The following CNNM2 variants were observed in gnomAD, a reference collection of about 807,000 sequenced individuals.
CNNM2 encodes the protein metal transporter CNNM2.
CNNM2 carries 12 observed loss-of-function variants against 66.9 expected under a neutral mutation model. The observed-to-expected ratio is 0.18, with a 90% CI of 0.11 to 0.29. The LOEUF is 0.29. CNNM2 is among the 10% of genes least tolerant of loss of function. CNNM2 has a pLI of 1.00. For synonymous variants in CNNM2, 557 were observed against 501.8 expected, an observed-to-expected ratio of 1.11 and a Z score of -1.47; for missense variants, 705 against 1,167.7, an observed-to-expected ratio of 0.60 and a Z score of 5.77.
At chr10:103,003,736 G>A (rs1325813728) in intron 1 of CNNM2, among the ~76,000 whole-genome samples, 1 of 151,918 alleles carries the variant, frequency 6.6e-6, no homozygotes, top group Non-Finnish European at 1.5e-5. Context: ...TCGCGCCACT[G>A]CACTCCAGCC....
chr10:102,922,474 T>TA (rs1355852365), intron 1 of CNNM2, among the ~76,000 whole-genome samples: 2 of 152,200 alleles, frequency 1.3e-5, no homozygotes, highest in African/African-American at 4.8e-5. Context: ...ATCAACCTTT[T>TA]ATTTTTCTCT....
intron 1 of CNNM2, among the ~76,000 whole-genome samples, chr10:103,004,296 T>C (rs2064184283): frequency 6.6e-6 from 1 of 152,102 alleles, no homozygotes; most frequent in Non-Finnish European, 1.5e-5. Flanking sequence ...GCCACCATGC[T>C]CAGCCTCATT....
At chr10:102,920,971 G>T in intron 1 of CNNM2, 3 of 432,244 alleles carry the variant, frequency 6.9e-6, no homozygotes, top group Non-Finnish European at 9.2e-6. Context: ...TTTATTTCTT[G>T]ACTCTTTCAG....
In CNNM2 at chr10:103,054,420, A is replaced by G. The variant is rs1242713232; in HGVS notation, c.1857A>G (p.Lys619=). ...FKQTDSEMKV[K]ISPQLLLAMH... is the part of the protein sequence containing the mutation. ...AGACAGACAGTGAGATGAAGGTTAAAATATCACCACAGCTCCTCCTGGCCA... is the reference window on the plus strand; with the variant it reads ...AGACAGACAGTGAGATGAAGGTTAAGATATCACCACAGCTCCTCCTGGCCA... Residue 619 remains lysine, a synonymous_variant, in exon 3 of 8, where the codon AAA becomes AAG. Coordinates refer to ENST00000369878, the MANE Select transcript of CNNM2 (RefSeq NM_017649.5). This position sits in a 1 kb window ranked among gnomAD's most constrained non-coding sequence, Gnocchi z 5.2. 2 of 1,613,908 alleles carry G rather than the reference A, an allele frequency of 1.2e-6. No homozygotes were observed. Among genetic ancestry groups the G allele is most frequent in the Non-Finnish European group, 1.7e-6 (2 of 1,179,870 alleles).
At chr10:102,952,206 G>T (rs909255365) in intron 1 of CNNM2, among the ~76,000 whole-genome samples, 1 of 151,898 alleles carries the variant, frequency 6.6e-6, no homozygotes, top group Non-Finnish European at 1.5e-5. Context: ...CTCCCAAAGG[G>T]CTGGGATTAT....
At position 102,976,611 on chromosome 10, in the gene CNNM2, A is replaced by ATTTTTTTTTTTTTTTTT. The variant is rs66498944; in HGVS notation, c.1621+56522_1621+56538dup. 1.1e-3 allele frequency among the ~76,000 whole-genome samples: 67 copies of ATTTTTTTTTTTTTTTTT among 59,436 alleles called. 3 individuals carry two copies. Among genetic ancestry groups the ATTTTTTTTTTTTTTTTT allele is most frequent in the African/African-American group, 1.7e-3 (21 of 12,656 alleles). The allele number at this position is 59,436 out of a possible 152,430, so 39.0% of individuals were successfully genotyped here. On this transcript the variant is annotated intron_variant, in intron 1 of 7. Coordinates refer to ENST00000369878, the MANE Select transcript of CNNM2 (RefSeq NM_017649.5). ...CAGGTGTGCGCCACACGCCCAGGTA[A>ATTTTTTTTTTTTTTTTT]TTTTTTTTTTTTTTTTTTTTTTTTT...
At chr10:102,937,537 T>TTAAAAGGAGACAAAAAGA (rs1846281038) in intron 1 of CNNM2, among the ~76,000 whole-genome samples, 1 of 152,196 alleles carries the variant, frequency 6.6e-6, no homozygotes, top group African/African-American at 2.4e-5. Flanking sequence ...GTCTTGATTA[T>TTAAAAGGAGACAAAAAGA]TAAAAGGAGA....
At chr10:103,029,322 G>A (rs1024549513) in intron 1 of CNNM2, among the ~76,000 whole-genome samples, 19 of 150,188 alleles carry the variant, frequency 1.3e-4, no homozygotes, top group African/African-American at 4.4e-4. Context: ...AAAAAAAATA[G>A]GCGGGCGTGG....
At chr10:103,070,833 G>A (rs1489956848) in intron 5 of CNNM2, among the ~76,000 whole-genome samples, 4 of 152,182 alleles carry the variant, frequency 2.6e-5, no homozygotes, top group African/African-American at 9.7e-5. Flanking sequence ...GGGAGGCTGA[G>A]GCAGGAGAAT....
At chr10:103,006,523 A>T (rs1405495831) in intron 1 of CNNM2, among the ~76,000 whole-genome samples, 27 of 151,934 alleles carry the variant, frequency 1.8e-4, no homozygotes, top group Admixed American at 1.8e-3. Flanking sequence ...GATTTTGTAT[A>T]GCTCCCCTTC....
At chr10:103,074,903 C>T (rs745730556) in intron 6 of CNNM2, among the ~76,000 whole-genome samples, 1 of 152,098 alleles carries the variant, frequency 6.6e-6, no homozygotes, top group African/African-American at 2.4e-5. Context: ...TGTTTTGTTC[C>T]GGGTGTCCTG....
chr10:103,023,699 G>A (rs1378758353), intron 1 of CNNM2, among the ~76,000 whole-genome samples: 1 of 152,016 alleles, frequency 6.6e-6, no homozygotes, highest in Non-Finnish European at 1.5e-5. Context: ...GATTTGGAGG[G>A]GACACACATC....
At chr10:103,038,456 C>G (rs963102413) in intron 1 of CNNM2, among the ~76,000 whole-genome samples, 2 of 152,202 alleles carry the variant, frequency 1.3e-5, no homozygotes, top group Non-Finnish European at 2.9e-5. Context: ...AGGGTGACCA[C>G]CTCAGTGAGT....
intron 1 of CNNM2, among the ~76,000 whole-genome samples, chr10:103,041,985 C>G (rs148733446): frequency 1.3e-5 from 2 of 152,146 alleles, no homozygotes; most frequent in Admixed American, 6.5e-5. Context: ...ACCTCTGTGT[C>G]TCTCTCTCTT....
chr10:103,089,789 C>G lies in CNNM2; in HGVS notation c.*12609C>G, dbSNP rs779906226. On this transcript the variant is annotated 3_prime_UTR_variant, in exon 8 of 8. Transcript: ENST00000369878. ...TAATCTCACTAATTGACCGTGTCAG[C>G]TGGTGCCGCTTGTAGTCAGTGTCTT... The G allele has an allele frequency of 6.2e-7, 1 of 1,614,098 alleles. No individual in the cohort carries two copies. The highest frequency in any genetic ancestry group is 8.5e-7 in the Non-Finnish European group (1 of 1,179,996).
intron 4 of CNNM2, among the ~76,000 whole-genome samples, chr10:103,063,662 A>G (rs1030806220): frequency 1.3e-5 from 2 of 152,238 alleles, no homozygotes; most frequent in African/African-American, 2.4e-5. Flanking sequence ...TGCTTTACTC[A>G]GGAAGCCAAC....
chr10:102,983,212 T>C (rs997058826), intron 1 of CNNM2, among the ~76,000 whole-genome samples: 1 of 151,510 alleles, frequency 6.6e-6, no homozygotes, highest in East Asian at 1.9e-4. Flanking sequence ...GACAAGTTTT[T>C]TTGTGTTTTG....
At chr10:102,974,959 CAT>C (rs1464604699) in intron 1 of CNNM2, among the ~76,000 whole-genome samples, 1 of 152,128 alleles carries the variant, frequency 6.6e-6, no homozygotes, top group African/African-American at 2.4e-5. Flanking sequence ...GCTTTGGAGA[CAT>C]GAGAACTTGG....
At chr10:102,922,625 C>G (rs975424187) in intron 1 of CNNM2, among the ~76,000 whole-genome samples, 1 of 152,164 alleles carries the variant, frequency 6.6e-6, no homozygotes, top group Non-Finnish European at 1.5e-5. Context: ...CCAGTTAGAT[C>G]ATAGATCCAG....
Sources: gnomAD v4.1 joint callset for allele counts (sites outside exome capture counted in the v4.1 genomes callset) on GRCh38, gnomAD v4.1.1 for gene constraint, Gnocchi (gnomAD v3.1) non-coding constraint, MANE v1.5 for transcripts, NCBI Gene and HGNC (gene_info 2026-07-23, HGNC 2026-07-21) for gene names.